The following CELSR1 variants were observed in gnomAD, a reference collection of about 807,000 sequenced individuals.
CELSR1 encodes cadherin EGF LAG seven-pass G-type receptor 1.
CELSR1 carries 110 observed loss-of-function variants against 249.1 expected under a neutral mutation model. The observed-to-expected ratio is 0.44, with a 90% CI of 0.38 to 0.52. The LOEUF is 0.52. CELSR1 is among the 20% of genes least tolerant of loss of function. The probability of loss-of-function intolerance (pLI) is 0.00; values close to 1 mark genes in which losing one functional copy is unlikely to be tolerated. For missense variants in CELSR1, 4,109 were observed against 4,296.4 expected, an observed-to-expected ratio of 0.96 and a Z score of 1.22; for synonymous variants, 2,113 against 1,900.0, an observed-to-expected ratio of 1.11 and a Z score of -2.92.
chr22:46,514,708 C>T (rs948180917), intron 1 of CELSR1, among the ~76,000 whole-genome samples: 3 of 152,230 alleles, frequency 2.0e-5, no homozygotes, highest in African/African-American at 7.2e-5. Flanking sequence ...GCTGCAGGGC[C>T]GAGGCTCACG....
At chr22:46,499,575 G>A (rs530482862) in intron 1 of CELSR1, among the ~76,000 whole-genome samples, 7 of 152,254 alleles carry the variant, frequency 4.6e-5, no homozygotes, top group African/African-American at 1.7e-4. Flanking sequence ...CTATTTTCAG[G>A]AAGCCCTGGC....
chr22:46,388,649 G>C (rs997116804), intron 18 of CELSR1, among the ~76,000 whole-genome samples: 1 of 152,186 alleles, frequency 6.6e-6, no homozygotes, highest in Non-Finnish European at 1.5e-5. Context: ...CTGTCTGGAC[G>C]AAGAGGCCTG....
At position 46,408,187 on chromosome 22, in the gene CELSR1, AC is replaced by A. The variant is rs1327886869; in HGVS notation, c.5226+808del. Among the ~76,000 whole-genome samples, 1 of 152,252 alleles carries A rather than the reference AC, an allele frequency of 6.6e-6. No homozygotes were observed. Among genetic ancestry groups the A allele is most frequent in the Non-Finnish European group, 1.5e-5 (1 of 68,038 alleles). On this transcript the variant is annotated intron_variant, in intron 9 of 34. Coordinates refer to ENST00000674500, the MANE Select transcript of CELSR1 (RefSeq NM_001378328.1). This position sits in a 1 kb window ranked among gnomAD's most constrained non-coding sequence, Gnocchi z 4.6. ...TTCGGAATTTTTATCCAACAAATAA[AC>A]TTTTGTTTCAAATAAACGAAACAGT...
At chr22:46,516,489 C>T (rs182197242) in intron 1 of CELSR1, among the ~76,000 whole-genome samples, 14 of 151,844 alleles carry the variant, frequency 9.2e-5, no homozygotes, top group Non-Finnish European at 1.0e-4. Context: ...GATAGCACAC[C>T]GGTTTTGGGG....
At position 46,369,824 on chromosome 22, in the gene CELSR1, A is replaced by G; in HGVS notation, c.7760-20T>C. The G allele has an allele frequency of 6.2e-7, 1 of 1,609,268 alleles. No individual in the cohort carries two copies. The highest frequency in any genetic ancestry group is 1.1e-5 in the South Asian group (1 of 90,968). ...CCAGTCCTGAACACAGCGGGGAGGA[A>G]GGGAAGGGTGAGGGCCACGTGCCCA... On this transcript the variant is annotated intron_variant, in intron 25 of 34. Coordinates refer to ENST00000674500, the MANE Select transcript of CELSR1 (RefSeq NM_001378328.1).
chr22:46,482,787 A>C (rs2080279069), intron 1 of CELSR1, among the ~76,000 whole-genome samples: 1 of 152,182 alleles, frequency 6.6e-6, no homozygotes, highest in Non-Finnish European at 1.5e-5. Flanking sequence ...TCCACAGAAG[A>C]CCAATAGGTC....
chr22:46,433,368 G>T lies in CELSR1; in HGVS notation c.4611+25C>A. On this transcript the variant is annotated intron_variant, in intron 5 of 34. Coordinates refer to ENST00000674500, the MANE Select transcript of CELSR1 (RefSeq NM_001378328.1). The surrounding 1 kb of genome is among the most constrained non-coding windows in gnomAD (Gnocchi z 5.7). Reference sequence around the variant, plus strand: ...CCTTCTCGAGCCGCCCTGGGGCCAGGGGGAAGTGGTGGGGCCCATCTTACC... The same window carrying T: ...CCTTCTCGAGCCGCCCTGGGGCCAGTGGGAAGTGGTGGGGCCCATCTTACC... The T allele has an allele frequency of 6.3e-7, 1 of 1,599,094 alleles. No individual in the cohort carries two copies. The highest frequency in any genetic ancestry group is 2.2e-5 in the East Asian group (1 of 44,558).
At chr22:46,392,723 A>G (rs2079106895) in intron 14 of CELSR1, among the ~76,000 whole-genome samples, 1 of 151,864 alleles carries the variant, frequency 6.6e-6, no homozygotes, top group Non-Finnish European at 1.5e-5. Context: ...CGCTCAGCTA[A>G]TGTTTTTATT....
chr22:46,507,225 G>A (rs1233241235), intron 1 of CELSR1, among the ~76,000 whole-genome samples: 1 of 152,056 alleles, frequency 6.6e-6, no homozygotes, highest in East Asian at 1.9e-4. Context: ...GATTCCAATG[G>A]AGCCACCGGG....
chr22:46,408,984 G>T lies in CELSR1; in HGVS notation c.5226+12C>A. The T allele has an allele frequency of 6.3e-7, 1 of 1,596,598 alleles. No individual in the cohort carries two copies. Among genetic ancestry groups the T allele is most frequent in the Non-Finnish European group, 8.5e-7 (1 of 1,172,596 alleles). On this transcript the variant is annotated intron_variant, in intron 9 of 34. Coordinates refer to ENST00000674500, the MANE Select transcript of CELSR1 (RefSeq NM_001378328.1). This position sits in a 1 kb window ranked among gnomAD's most constrained non-coding sequence, Gnocchi z 4.6. ...CCTAGCAGGTGCCTTGGTGGCACGG[G>T]GCCCCAGTCACCTGGAGGCGAAAGC... is the stretch of plus-strand genomic sequence containing the variant.
At chr22:46,515,927 C>G (rs1000849428) in intron 1 of CELSR1, among the ~76,000 whole-genome samples, 27 of 152,264 alleles carry the variant, frequency 1.8e-4, no homozygotes, top group African/African-American at 2.4e-4. Context: ...ACACCAGTTA[C>G]AATGGCGATC....
At position 46,526,405 on chromosome 22, in the gene CELSR1, A is replaced by C. The variant is rs2080739322; in HGVS notation, c.3544+7222T>G. On this transcript the variant is annotated intron_variant, in intron 1 of 34. Coordinates refer to ENST00000674500, the MANE Select transcript of CELSR1 (RefSeq NM_001378328.1). This position sits in a 1 kb window ranked among gnomAD's most constrained non-coding sequence, Gnocchi z 4.7. ...CTGGGCCTTTAGCTCAGCCTTGTGC[A>C]GGCCTGTCCCCATGACACCCTGCCT... Among the ~76,000 whole-genome samples the C allele has an allele frequency of 6.6e-6, 1 of 152,152 alleles. No individual in the cohort carries two copies.
Position 46,436,882 on chromosome 22 carries a change from T to C in CELSR1, c.4407-593A>G, listed in dbSNP as rs1168337805. ...GGGGTCAACCCAGCTGTACTTGCCC[T>C]GACTCATTGTACTCTACCTTGCCCT... is the stretch of plus-strand genomic sequence containing the variant. On this transcript the variant is annotated intron_variant, in intron 3 of 34. Coordinates refer to ENST00000674500, the MANE Select transcript of CELSR1 (RefSeq NM_001378328.1). This position sits in a 1 kb window ranked among gnomAD's most constrained non-coding sequence, Gnocchi z 5.9. 6.6e-6 allele frequency among the ~76,000 whole-genome samples: 1 copy of C among 152,136 alleles called. No homozygotes were observed. The highest frequency in any genetic ancestry group is 2.4e-5 in the African/African-American group (1 of 41,390).
At chr22:46,470,694 A>C (rs975336252) in intron 1 of CELSR1, among the ~76,000 whole-genome samples, 6 of 152,072 alleles carry the variant, frequency 3.9e-5, no homozygotes, top group South Asian at 2.1e-4. Flanking sequence ...TCAGATACAC[A>C]CATCTAAACG....
At chr22:46,475,786 T>C (rs1003211497) in intron 1 of CELSR1, among the ~76,000 whole-genome samples, 3 of 152,174 alleles carry the variant, frequency 2.0e-5, no homozygotes, top group African/African-American at 7.2e-5. Context: ...TAAGAAATGT[T>C]CTCTCCTGAT....
At position 46,398,107 on chromosome 22, in the gene CELSR1, TC is replaced by T. The variant is rs1202014105; in HGVS notation, c.5527-260del. ...GCGGTGGGGGCGTGAGGAGTGGATG[TC>T]CCTGCCGAGGGGGCTGAGAGCTGAA... On this transcript the variant is annotated intron_variant, in intron 11 of 34. Transcript: ENST00000674500. The surrounding 1 kb of genome is among the most constrained non-coding windows in gnomAD (Gnocchi z 7.2). 2.0e-5 allele frequency among the ~76,000 whole-genome samples: 3 copies of T among 152,028 alleles called. No individual in the cohort carries two copies. In the East Asian group the frequency reaches 5.8e-4, roughly 29 times the overall value.
chr22:46,418,973 C>G (rs1237334355), intron 5 of CELSR1, among the ~76,000 whole-genome samples: 2 of 152,226 alleles, frequency 1.3e-5, no homozygotes, highest in Non-Finnish European at 2.9e-5. Flanking sequence ...GCGTGTTCAG[C>G]ACTGGACGGA....
intron 5 of CELSR1, among the ~76,000 whole-genome samples, chr22:46,415,701 G>A (rs1012083596): frequency 4.6e-5 from 7 of 151,948 alleles, no homozygotes; most frequent in Admixed American, 1.3e-4. Flanking sequence ...AAGAACTTTC[G>A]GGAAGATCCT....
intron 1 of CELSR1, among the ~76,000 whole-genome samples, chr22:46,478,198 G>A (rs1445720051): frequency 2.0e-5 from 3 of 152,202 alleles, no homozygotes; most frequent in Non-Finnish European, 4.4e-5. Flanking sequence ...TCGGGCCTCT[G>A]CGCCTCCCGA....
Sources: gnomAD v4.1 joint callset for allele counts (sites outside exome capture counted in the v4.1 genomes callset) on GRCh38, gnomAD v4.1.1 for gene constraint, Gnocchi (gnomAD v3.1) non-coding constraint, MANE v1.5 for transcripts, NCBI Gene and HGNC (gene_info 2026-07-23, HGNC 2026-07-21) for gene names.